The following ELF2 variants were observed in gnomAD, a reference collection of about 807,000 sequenced individuals.
ELF2 encodes E74 like ETS transcription factor 2.
A neutral mutation model predicts 54.8 loss-of-function variants in ELF2; 11 were observed. The observed-to-expected ratio is 0.20, with a 90% CI of 0.13 to 0.33. The LOEUF is 0.33. Ranked by LOEUF, ELF2 falls within the 10% of genes least tolerant of loss-of-function variation. The pLI, the probability that ELF2 is intolerant of heterozygous loss-of-function variation, is 1.00. For synonymous variants in ELF2, 203 were observed against 245.1 expected (o/e 0.83, Z 1.61); for missense variants, 513 against 703.0 (o/e 0.73, Z 3.06).
chr4:139,156,301 G>A (rs529168952), intron 1 of ELF2, among the ~76,000 whole-genome samples: 28 of 151,652 alleles, frequency 1.8e-4, no homozygotes, highest in African/African-American at 5.1e-4. Flanking sequence ...TCAGCCTCCC[G>A]AGTAGCTGGG....
At chr4:139,171,706 C>A (rs1346024743) in intron 1 of ELF2, among the ~76,000 whole-genome samples, 1 of 152,016 alleles carries the variant, frequency 6.6e-6, no homozygotes, top group African/African-American at 2.4e-5. Context: ...GGAGGACTGC[C>A]TGAGCTCAGG....
intron 4 of ELF2, among the ~76,000 whole-genome samples, chr4:139,082,337 T>A (rs1351702247): frequency 6.6e-6 from 1 of 152,194 alleles, no homozygotes; most frequent in South Asian, 2.1e-4. Flanking sequence ...CATCCCTTAA[T>A]TCATATTGTA....
intron 4 of ELF2, among the ~76,000 whole-genome samples, chr4:139,095,973 T>C (rs564737483): frequency 1.1e-4 from 16 of 152,146 alleles, no homozygotes; most frequent in South Asian, 2.1e-4. Flanking sequence ...TAGCCAGGTG[T>C]GGTGGCATAT....
chr4:139,113,048 C>T (rs955371990), intron 4 of ELF2, among the ~76,000 whole-genome samples: 9 of 152,120 alleles, frequency 5.9e-5, no homozygotes, highest in African/African-American at 2.2e-4. Context: ...TCTTGGTATA[C>T]AAACATCATC....
rs1264857560 is a variant in ELF2 at position 139,074,055 on chromosome 4, G to C, written c.239-488C>G. Among the ~76,000 whole-genome samples the C allele has an allele frequency of 3.3e-5, 5 of 152,192 alleles. No homozygotes were observed. In the East Asian group the frequency reaches 9.6e-4, roughly 29 times the overall value. ...AGGCTGGAGAATCGCTTGAACCCAG[G>C]AGGTAGAGGTTGCAGTGAGCTGAGA... On this transcript the variant is annotated intron_variant, in intron 4 of 9. Coordinates refer to ENST00000686138, the MANE Select transcript of ELF2 (RefSeq NM_001331036.3).
chr4:139,151,032 A>AAAAAGAAAGAAAGAAAGAAAGAAAGAAAG (rs1301387000), intron 1 of ELF2, among the ~76,000 whole-genome samples: 1 of 102,530 alleles, frequency 9.8e-6, no homozygotes, highest in African/African-American at 5.1e-5. Flanking sequence ...TCAAAAAAAA[A>AAAAAGAAAGAAAGAAAGAAAGAAAGAAAG]AAAGAAAGAA....
chr4:139,143,870 A>G (rs1208736995), intron 1 of ELF2, among the ~76,000 whole-genome samples: 1 of 152,168 alleles, frequency 6.6e-6, no homozygotes, highest in Admixed American at 6.5e-5. Flanking sequence ...GCCCAGGCTC[A>G]GAAAAGACCT....
At chr4:139,086,843 C>A (rs1732038525) in intron 4 of ELF2, among the ~76,000 whole-genome samples, 1 of 152,136 alleles carries the variant, frequency 6.6e-6, no homozygotes, top group Non-Finnish European at 1.5e-5. Context: ...ATTATAAAAG[C>A]CTTCATAAGG....
intron 1 of ELF2, among the ~76,000 whole-genome samples, chr4:139,148,072 C>T (rs549541819): frequency 1.3e-5 from 2 of 149,122 alleles, no homozygotes; most frequent in Non-Finnish European, 3.0e-5. Context: ...AGGCATGAGC[C>T]ACCGTGCCCA....
rs184711976 is a variant in ELF2, at chr4:139,137,696, T to C, written c.6A>G (p.Thr2=). The C allele has an allele frequency of 1.2e-6, 2 of 1,614,044 alleles. No homozygotes were observed. The highest frequency in any genetic ancestry group is 4.5e-5 in the East Asian group (2 of 44,852). The change falls in exon 3 of 10, where the codon ACA becomes ACG. Residue 2 remains threonine, a synonymous_variant. Coordinates refer to ENST00000686138, the MANE Select transcript of ELF2 (RefSeq NM_001331036.3). The part of the protein sequence containing the change: M[T]SAVVDSGGTI... ...TACCTCCACTGTCAACCACTGCTGA[T>C]GTCATTGTTATTCCCTGAGGAAGCT...
chr4:139,169,517 C>T (rs1161343944), intron 1 of ELF2, among the ~76,000 whole-genome samples: 2 of 152,090 alleles, frequency 1.3e-5, no homozygotes, highest in Non-Finnish European at 2.9e-5. Context: ...TATAGCCAAA[C>T]ATAATTGATT....
At position 139,094,449 on chromosome 4, in the gene ELF2, C is replaced by A. The variant is rs142261739; in HGVS notation, c.239-20882G>T. On this transcript the variant is annotated intron_variant, in intron 4 of 9. Coordinates refer to ENST00000686138, the MANE Select transcript of ELF2 (RefSeq NM_001331036.3). ...TGCAGCACGAGGATAAAAGTAGGAA[C>A]TGAAGGTTATTTATTACTGAGTAAG... is the stretch of plus-strand genomic sequence containing the variant. Among the ~76,000 whole-genome samples the A allele has an allele frequency of 9.6e-3, 1,462 of 152,218 alleles. 11 individuals carry two copies. The highest frequency in any genetic ancestry group is 0.014 in the Non-Finnish European group (928 of 68,012).
chr4:139,119,618 C>T (rs182101628), intron 4 of ELF2, among the ~76,000 whole-genome samples: 17 of 152,316 alleles, frequency 1.1e-4, no homozygotes, highest in Admixed American at 8.5e-4. Flanking sequence ...GCAATTATTG[C>T]TAGGTCTGCA....
intron 3 of ELF2, among the ~76,000 whole-genome samples, chr4:139,125,733 T>C (rs932985253): frequency 5.6e-5 from 8 of 143,580 alleles, no homozygotes; most frequent in African/African-American, 2.1e-4. Context: ...TCTGGATGAG[T>C]ATGGAGTGGG....
intron 1 of ELF2, among the ~76,000 whole-genome samples, chr4:139,140,357 G>T (rs912997686): frequency 6.6e-6 from 1 of 152,118 alleles, no homozygotes; most frequent in Admixed American, 6.5e-5. Flanking sequence ...TTGATCGTAG[G>T]CCTTGTTCCA....
chr4:139,125,864 C>T (rs1308801563), intron 3 of ELF2, among the ~76,000 whole-genome samples: 1 of 151,826 alleles, frequency 6.6e-6, no homozygotes, highest in African/African-American at 2.4e-5. Context: ...ATTACATGCA[C>T]TTTTGATTCC....
At chr4:139,059,737 C>A (rs1727545044) in intron 9 of ELF2, 130 bp from the exon 10 acceptor site, 7 of 1,031,258 alleles carry the variant, frequency 6.8e-6, no homozygotes, top group African/African-American at 1.6e-5. Context: ...GAGGTACTGG[C>A]AATCCCTGAT....
Position 139,070,493 on chromosome 4 carries a change from G to A in ELF2, c.526+1373C>T, listed in dbSNP as rs141815770. Among the ~76,000 whole-genome samples, 473 of 151,656 alleles carry A rather than the reference G, an allele frequency of 3.1e-3. 3 individuals are homozygous for A. The highest frequency in any genetic ancestry group is 0.011 in the African/African-American group (451 of 41,362). On this transcript the variant is annotated intron_variant, in intron 6 of 9. Coordinates refer to ENST00000686138, the MANE Select transcript of ELF2 (RefSeq NM_001331036.3). ...TTTAGTAGAGACAGGGTTTCATCAT[G>A]TTGACCAGGCTGGTCTTGAACTCCT... is the stretch of plus-strand genomic sequence containing the variant.
intron 4 of ELF2, chr4:139,084,560 T>A: frequency 5.0e-6 from 2 of 398,172 alleles, no homozygotes; most frequent in Non-Finnish European, 7.0e-6. Context: ...GGCCGCAGCC[T>A]GCGGCGAGAG....
Sources: gnomAD v4.1 joint callset for allele counts (sites outside exome capture counted in the v4.1 genomes callset) on GRCh38, gnomAD v4.1.1 for gene constraint, MANE v1.5 for transcripts, NCBI Gene and HGNC (gene_info 2026-07-23, HGNC 2026-07-21) for gene names.